Variants in SLC24A4 observed in about 807,000 individuals in gnomAD.
The protein encoded by SLC24A4 is solute carrier family 24 member 4.
In SLC24A4, 53 loss-of-function variants were observed where a neutral mutation model predicts 79.0. That is an observed-to-expected ratio of 0.67 (90% CI 0.54 to 0.84). The LOEUF (loss-of-function observed/expected upper bound fraction) is 0.84. Ranked by LOEUF, SLC24A4 falls within the 40% of genes least tolerant of loss-of-function variation. The probability of loss-of-function intolerance (pLI) is 0.00; values close to 1 mark genes in which losing one functional copy is unlikely to be tolerated. For synonymous variants in SLC24A4, 323 were observed against 323.8 expected, an observed-to-expected ratio of 1.00 and a Z score of 0.03; for missense variants, 731 against 822.0, an observed-to-expected ratio of 0.89 and a Z score of 1.35.
At chr14:92,400,839 C>CT (rs1890079903) in intron 2 of SLC24A4, among the ~76,000 whole-genome samples, 1 of 152,180 alleles carries the variant, frequency 6.6e-6, no homozygotes, top group Admixed American at 6.5e-5. Flanking sequence ...GCATACTTTG[C>CT]ATATGCAAGA....
chr14:92,361,342 G>T (rs1887508601), intron 2 of SLC24A4, among the ~76,000 whole-genome samples: 1 of 151,792 alleles, frequency 6.6e-6, no homozygotes, highest in African/African-American at 2.4e-5. Flanking sequence ...GTGTTCTGGG[G>T]GTAGAGAAGC....
At chr14:92,492,760 A>C (rs1372333862) in intron 16 of SLC24A4, 1 of 432,956 alleles carries the variant, frequency 2.3e-6, no homozygotes, top group Non-Finnish European at 4.7e-6. Flanking sequence ...AGAATTGGGC[A>C]ATGGCAAAGC....
intron 2 of SLC24A4, among the ~76,000 whole-genome samples, chr14:92,357,857 CCA>C (rs1367988992): frequency 3.7e-4 from 56 of 152,310 alleles, no homozygotes; most frequent in African/African-American, 1.3e-3. Context: ...GTGTATTTCA[CCA>C]CAATGTCTGC....
intron 12 of SLC24A4, among the ~76,000 whole-genome samples, chr14:92,473,726 G>T (rs2139897454): frequency 6.6e-6 from 1 of 152,278 alleles, no homozygotes; most frequent in East Asian, 1.9e-4. Context: ...TTCATCTCCT[G>T]ACCTTCAGAC....
chr14:92,395,433 AC>A (rs979221869), intron 2 of SLC24A4, among the ~76,000 whole-genome samples: 1 of 32,356 alleles, frequency 3.1e-5, no homozygotes, highest in Non-Finnish European at 5.8e-5. Flanking sequence ...ACAAAACAAA[AC>A]ACACACACAC....
chr14:92,424,979 T>C (rs966245016), intron 2 of SLC24A4, among the ~76,000 whole-genome samples: 1 of 152,170 alleles, frequency 6.6e-6, no homozygotes, highest in Non-Finnish European at 1.5e-5. Flanking sequence ...CTGAGGGACC[T>C]GCCCCCATGA....
chr14:92,324,758 C>G (rs1885026846), intron 1 of SLC24A4, among the ~76,000 whole-genome samples: 1 of 152,152 alleles, frequency 6.6e-6, no homozygotes, highest in Non-Finnish European at 1.5e-5. Flanking sequence ...CTTTTAATTT[C>G]ATTATTTTTT....
intron 1 of SLC24A4, among the ~76,000 whole-genome samples, chr14:92,324,538 C>A (rs1885012346): frequency 1.3e-5 from 2 of 152,212 alleles, no homozygotes; most frequent in Admixed American, 6.5e-5. Flanking sequence ...TGTGGAGCCT[C>A]GACCCATGCC....
At chr14:92,339,329 A>T (rs79211759) in intron 2 of SLC24A4, among the ~76,000 whole-genome samples, 2,126 of 152,306 alleles carry the variant, frequency 0.014, 48 homozygotes, top group African/African-American at 0.048. Context: ...CAAAGATGGC[A>T]TTGAAGATGG....
At chr14:92,466,268 T>C (rs1361351129) in intron 12 of SLC24A4, among the ~76,000 whole-genome samples, 1 of 152,236 alleles carries the variant, frequency 6.6e-6, no homozygotes, top group Non-Finnish European at 1.5e-5. Context: ...GTAGCTGGAA[T>C]TAGAGTGCTG....
chr14:92,346,272 G>A (rs1285710889), intron 2 of SLC24A4, among the ~76,000 whole-genome samples: 4 of 152,214 alleles, frequency 2.6e-5, no homozygotes, highest in Non-Finnish European at 5.9e-5. Context: ...AAGCAGTGCA[G>A]GAATATGAAA....
chr14:92,424,143 C>T (rs1050346923), intron 2 of SLC24A4, among the ~76,000 whole-genome samples: 3 of 152,118 alleles, frequency 2.0e-5, no homozygotes, highest in African/African-American at 7.2e-5. Context: ...ATTCGGGGTC[C>T]CCTGTAATGC....
chr14:92,433,840 T>G (rs1247494589), intron 2 of SLC24A4, 72 bp from the exon 3 acceptor site: 2 of 1,325,850 alleles, frequency 1.5e-6, no homozygotes, highest in Non-Finnish European at 2.2e-6. Context: ...TAGTGAACTC[T>G]CAGAAGTCAA....
At chr14:92,362,214 A>C (rs2141668082) in intron 2 of SLC24A4, among the ~76,000 whole-genome samples, 1 of 18,580 alleles carries the variant, frequency 5.4e-5, no homozygotes, top group Middle Eastern at 0.083. Flanking sequence ...GGGGCCTCTC[A>C]GGTCCCTGTC....
intron 2 of SLC24A4, among the ~76,000 whole-genome samples, chr14:92,403,607 A>G (rs936128258): frequency 9.6e-6 from 1 of 104,036 alleles, no homozygotes; most frequent in African/African-American, 4.4e-5. Flanking sequence ...GACTCCATCT[A>G]AAAAAAAAAA....
chr14:92,422,329 C>G (rs552377929), intron 2 of SLC24A4, among the ~76,000 whole-genome samples: 2 of 152,338 alleles, frequency 1.3e-5, no homozygotes, highest in South Asian at 4.1e-4. Context: ...TGACTTTCAC[C>G]CTGATATTTT....
chr14:92,401,221 C>T (rs188174498), intron 2 of SLC24A4, among the ~76,000 whole-genome samples: 18 of 152,214 alleles, frequency 1.2e-4, no homozygotes, highest in Admixed American at 7.2e-4. Flanking sequence ...GAATTTTTTG[C>T]GCCCCATTGT....
chr14:92,493,100 G>C (rs1042379266), intron 16 of SLC24A4, among the ~76,000 whole-genome samples: 4 of 151,586 alleles, frequency 2.6e-5, no homozygotes, highest in Non-Finnish European at 4.4e-5. Context: ...ATGGTTCCAC[G>C]CTCTGAAGCA....
intron 2 of SLC24A4, among the ~76,000 whole-genome samples, chr14:92,388,866 C>G (rs1889312941): frequency 6.6e-6 from 1 of 152,218 alleles, no homozygotes; most frequent in Admixed American, 6.5e-5. Flanking sequence ...AGACATCTTG[C>G]TCCTGCCTCT....
Sources: gnomAD v4.1 joint callset for allele counts (sites outside exome capture counted in the v4.1 genomes callset) on GRCh38, gnomAD v4.1.1 for gene constraint, MANE v1.5 for transcripts, NCBI Gene and HGNC (gene_info 2026-07-23, HGNC 2026-07-21) for gene names.